Variants in ZNF487 observed in about 807,000 individuals in gnomAD.
ZNF487 encodes KRAB domain only 1.
In ZNF487, 4 loss-of-function variants were observed where a neutral mutation model predicts 3.0. The observed-to-expected ratio is 1.35, with a 90% CI of 0.66 to 3.08. ZNF487 has a LOEUF of 3.08. Among genes scored for constraint, ZNF487 ranks in the 30% most tolerant of loss-of-function variants. The pLI, the probability that ZNF487 is intolerant of heterozygous loss-of-function variation, is 0.01. For missense variants in ZNF487, 146 were observed against 98.7 expected (o/e 1.48, Z -2.03); for synonymous variants, 55 against 34.6 (o/e 1.59, Z -2.06).
chr10:43,443,589 G>A (rs953063713), intron 1 of ZNF487, among the ~76,000 whole-genome samples: 3 of 151,686 alleles, frequency 2.0e-5, no homozygotes, highest in African/African-American at 7.3e-5. Context: ...GGCCAGGCTG[G>A]TCTCGAACTC....
At chr10:43,484,990 T>C (rs557867567), downstream of ZNF487, among the ~76,000 whole-genome samples, 1 of 152,370 alleles carries the variant, frequency 6.6e-6, no homozygotes, top group Non-Finnish European at 1.5e-5. Flanking sequence ...CAACACAATC[T>C]GGTCATAGAG....
intron 1 of ZNF487, among the ~76,000 whole-genome samples, chr10:43,447,626 A>C (rs1357916168): frequency 6.6e-6 from 1 of 152,120 alleles, no homozygotes; most frequent in Non-Finnish European, 1.5e-5. Context: ...ATTCCCTCTG[A>C]TCTTTTTAGA....
At chr10:43,464,336 C>T (rs576317482) in intron 1 of ZNF487, among the ~76,000 whole-genome samples, 1 of 151,834 alleles carries the variant, frequency 6.6e-6, no homozygotes, top group African/African-American at 2.4e-5. Flanking sequence ...GTGTGTGCCA[C>T]CATGCCCGGC....
chr10:43,442,268 CAAAA>C (rs1215789961), intron 1 of ZNF487, among the ~76,000 whole-genome samples: 1 of 133,672 alleles, frequency 7.5e-6, no homozygotes, highest in Non-Finnish European at 1.7e-5. Context: ...ACAACAACAA[CAAAA>C]AAAAAACAAA....
intron 3 of ZNF487, among the ~76,000 whole-genome samples, chr10:43,477,205 CT>C (rs1174769570): frequency 4.3e-4 from 60 of 140,736 alleles, no homozygotes; most frequent in African/African-American, 5.2e-4. Context: ...TTCTTTATTT[CT>C]TTTTTTTTTT....
At chr10:43,473,310 C>G (rs1840972695) in intron 1 of ZNF487, among the ~76,000 whole-genome samples, 1 of 151,606 alleles carries the variant, frequency 6.6e-6, no homozygotes, top group Non-Finnish European at 1.5e-5. Context: ...GAACTCCTGA[C>G]CTCAGGTGAT....
chr10:43,490,370 A>C, the ZNF487 span, among the ~76,000 whole-genome samples: 2 of 152,096 alleles, frequency 1.3e-5, no homozygotes, highest in African/African-American at 4.8e-5. Context: ...CAAAACAAAC[A>C]AAAAGAAAAT....
intron 1 of ZNF487, among the ~76,000 whole-genome samples, chr10:43,438,442 C>T (rs1225278337): frequency 1.3e-5 from 2 of 152,044 alleles, no homozygotes; most frequent in African/African-American, 4.8e-5. Context: ...TGCCTCAGCC[C>T]CCCAAAGTGC....
chr10:43,453,450 T>A (rs1320708299), intron 1 of ZNF487: 1 of 152,202 alleles, frequency 6.6e-6, no homozygotes, highest in Non-Finnish European at 1.5e-5. Flanking sequence ...AGGCAGGCAT[T>A]TTAATGGTGG....
chr10:43,491,398 G>A, the ZNF487 span, among the ~76,000 whole-genome samples: 1 of 151,466 alleles, frequency 6.6e-6, no homozygotes, highest in Non-Finnish European at 1.5e-5. Context: ...CCTCAGACCT[G>A]GCCCCAGTAC....
intron 1 of ZNF487, among the ~76,000 whole-genome samples, chr10:43,457,721 C>A (rs1185929637): frequency 7.0e-6 from 1 of 142,412 alleles, no homozygotes; most frequent in Non-Finnish European, 1.5e-5. Context: ...CCTCATGAGA[C>A]ATTAAGAGTT....
At chr10:43,462,753 C>CT (rs1269088085) in intron 1 of ZNF487, among the ~76,000 whole-genome samples, 34 of 146,142 alleles carry the variant, frequency 2.3e-4, no homozygotes, top group South Asian at 1.8e-3. Flanking sequence ...TGCATCCGGC[C>CT]TTTTTTTTTT....
At chr10:43,470,561 T>A (rs1411786557) in intron 1 of ZNF487, among the ~76,000 whole-genome samples, 1 of 152,056 alleles carries the variant, frequency 6.6e-6, no homozygotes, top group East Asian at 1.9e-4. Flanking sequence ...TTTTTTTGTA[T>A]TTTTAGTAGA....
intron 1 of ZNF487, among the ~76,000 whole-genome samples, chr10:43,461,075 C>T (rs1484827023): frequency 3.3e-5 from 5 of 150,932 alleles, no homozygotes; most frequent in Admixed American, 6.6e-5. Context: ...GGCGTGATCT[C>T]GGCTCACTGC....
chr10:43,523,404 C>T, the ZNF487 span: 10 of 152,220 alleles, frequency 6.6e-5, no homozygotes, highest in African/African-American at 2.2e-4. Flanking sequence ...AGAAAAATAC[C>T]TGATAAATAT....
At chr10:43,513,568 G>A in the ZNF487 span, among the ~76,000 whole-genome samples, 15 of 152,172 alleles carry the variant, frequency 9.9e-5, no homozygotes, top group Non-Finnish European at 1.9e-4. Flanking sequence ...TCTCTCCAGG[G>A]ATGTGATATT....
At chr10:43,493,613 C>T in the ZNF487 span, among the ~76,000 whole-genome samples, 1 of 148,296 alleles carries the variant, frequency 6.7e-6, no homozygotes, top group South Asian at 2.1e-4. Flanking sequence ...ATCACTTGAG[C>T]CTGGGAGGTC....
intron 1 of ZNF487, among the ~76,000 whole-genome samples, chr10:43,449,103 A>C (rs1375631958): frequency 6.6e-6 from 1 of 151,862 alleles, no homozygotes; most frequent in Non-Finnish European, 1.5e-5. Flanking sequence ...GTTTGAGACC[A>C]GCCTGGGGGA....
the ZNF487 span, among the ~76,000 whole-genome samples, chr10:43,519,915 C>T: frequency 6.6e-6 from 1 of 152,076 alleles, no homozygotes; most frequent in Non-Finnish European, 1.5e-5. Context: ...TCTTGTTTGC[C>T]CTTTTCATTC....
Sources: gnomAD v4.1 joint callset for allele counts (sites outside exome capture counted in the v4.1 genomes callset) on GRCh38, gnomAD v4.1.1 for gene constraint, MANE v1.5 for transcripts, NCBI Gene and HGNC (gene_info 2026-07-23, HGNC 2026-07-21) for gene names.